CCDC14: variants seen among roughly 807,000 people sequenced by gnomAD.
CCDC14 encodes coiled-coil domain containing 14.
In CCDC14, 71 loss-of-function variants were observed where a neutral mutation model predicts 81.4. That is an observed-to-expected ratio of 0.87 (90% CI 0.72 to 1.06). The LOEUF is 1.06. Ranked by LOEUF, CCDC14 falls within the 50% of genes least tolerant of loss-of-function variation. The pLI is 0.00. For missense variants in CCDC14, 1,046 were observed against 1,047.3 expected (o/e 1.00, Z 0.02); for synonymous variants, 332 against 364.8 (o/e 0.91, Z 1.03).
At chr3:123,953,856 A>AGCTCTGCT (rs1293769789) in intron 5 of CCDC14, 1 of 152,236 alleles carries the variant, frequency 6.6e-6, no homozygotes, top group Non-Finnish European at 1.5e-5. Context: ...AGATGATAAC[A>AGCTCTGCT]GCTCTGCTGC....
At position 123,916,124 on chromosome 3, in the gene CCDC14, G is replaced by A. The variant is rs185856055; in HGVS notation, c.1779-406C>T. On this transcript the variant is annotated intron_variant, in intron 12 of 12. Transcript: ENST00000409697. Reference sequence around the variant, plus strand: ...AGTGATCCTCTTGCCTCAGCCTCCCGAGTAGCTGGGATTACAGGTGCGCAT... The same window carrying A: ...AGTGATCCTCTTGCCTCAGCCTCCCAAGTAGCTGGGATTACAGGTGCGCAT... 4.0e-5 allele frequency among the ~76,000 whole-genome samples: 6 copies of A among 151,292 alleles called. No homozygotes were observed. In the East Asian group the frequency reaches 9.7e-4, roughly 25 times the overall value.
Position 123,915,372 on chromosome 3 carries a change from C to A in CCDC14, c.2125G>T (p.Asp709Tyr). The A allele has an allele frequency of 2.5e-6, 4 of 1,613,670 alleles. No individual in the cohort carries two copies. Among genetic ancestry groups the A allele is most frequent in the Non-Finnish European group, 3.4e-6 (4 of 1,179,730 alleles). Residue 709 changes from aspartate (D) to tyrosine (Y), a missense_variant, in exon 13 of 13, where the codon GAT becomes TAT. Asp to Tyr is a radical substitution (Grantham distance 160, BLOSUM62 -3). Coordinates refer to ENST00000409697, the MANE Select transcript of CCDC14 (RefSeq NM_001366335.1). ...PGIISALSKQ[D>Y]SDEGSETMAL... ...ATAGTTTCACTCCCTTCATCAGAAT[C>A]CTGTTTTGAAAGGGCAGAAATAATT...
At chr3:123,933,543 A>T (rs1226058940) in intron 10 of CCDC14, 130 bp downstream of exon 10, 1 of 643,338 alleles carries the variant, frequency 1.6e-6, no homozygotes, top group East Asian at 2.8e-5. Flanking sequence ...AAGTGACAGC[A>T]TCTTTTATTT....
chr3:123,943,054 T>C (rs2036435632), intron 9 of CCDC14, among the ~76,000 whole-genome samples: 2 of 151,858 alleles, frequency 1.3e-5, no homozygotes, highest in Non-Finnish European at 1.5e-5. Flanking sequence ...TTATATATTT[T>C]TATATATACA....
intron 7 of CCDC14, among the ~76,000 whole-genome samples, chr3:123,948,476 G>A (rs2036794849): frequency 6.6e-6 from 1 of 152,008 alleles, no homozygotes; most frequent in Non-Finnish European, 1.5e-5. Flanking sequence ...TCCAGACCTC[G>A]TGATCCACCC....
chr3:123,948,423 G>A (rs913913766), intron 7 of CCDC14, among the ~76,000 whole-genome samples: 4 of 151,788 alleles, frequency 2.6e-5, no homozygotes, highest in Admixed American at 6.6e-5. Context: ...TGTATTTTTC[G>A]TAGAGGTGGG....
At chr3:123,928,332 C>CT (rs1553714125) in intron 12 of CCDC14, among the ~76,000 whole-genome samples, 12 of 46,652 alleles carry the variant, frequency 2.6e-4, no homozygotes, top group Admixed American at 2.1e-3. Flanking sequence ...CCAGTCTCTA[C>CT]TAAAAAAAAA....
chr3:123,904,198 C>T lies in CCDC14; in HGVS notation c.668-6585G>A, dbSNP rs562478077. On this transcript the variant is annotated intron_variant, in intron 5 of 5. Coordinates refer to the CCDC14 transcript ENST00000479903. ...TTCTTAGTCATCTAGAGGGATTTCC[C>T]TAAGGTACTTCTAAGTCAGAAAATC... 1.1e-4 allele frequency among the ~76,000 whole-genome samples: 17 copies of T among 151,876 alleles called. No homozygotes were observed. In the South Asian group the frequency reaches 3.5e-3, roughly 32 times the overall value.
chr3:123,956,196 ATTTG>A lies in CCDC14; in HGVS notation c.160-85_160-82del, dbSNP rs1373681522. 3.7e-6 allele frequency: 5 copies of A among 1,369,290 alleles called. No individual in the cohort carries two copies. In the African/African-American group the frequency reaches 4.4e-5, roughly 12 times the overall value. 84.8% of individuals were successfully genotyped at this position (1,369,290 alleles called of 1,614,324 possible). Reference sequence around the variant, plus strand: ...AAAATATAAATTATGTAGTTTTAAAATTTGTTTATTTACAAACTATTATTGGTAG... The same window carrying A: ...AAAATATAAATTATGTAGTTTTAAAATTTATTTACAAACTATTATTGGTAG... On this transcript the variant is annotated intron_variant, in intron 3 of 12. Transcript: ENST00000409697.
At position 123,930,103 on chromosome 3, in the gene CCDC14, G is replaced by A. The variant is rs566785804; in HGVS notation, c.1778+999C>T. Among the ~76,000 whole-genome samples the A allele has an allele frequency of 1.2e-4, 18 of 152,198 alleles. No individual in the cohort carries two copies. In the South Asian group the frequency reaches 3.7e-3, roughly 32 times the overall value. On this transcript the variant is annotated intron_variant, in intron 12 of 12. Coordinates refer to ENST00000409697, the MANE Select transcript of CCDC14 (RefSeq NM_001366335.1). ...CAAAAAATGTCTTGCTTTTGCCATT[G>A]TTAAATAAAAGTTTGAATGCAAATA...
Position 123,931,386 on chromosome 3 carries a change from T to G in CCDC14, c.1567A>C (p.Ser523Arg). 1 of 1,523,424 alleles carries G rather than the reference T, an allele frequency of 6.6e-7. No homozygotes were observed. The highest frequency in any genetic ancestry group is 8.9e-7 in the Non-Finnish European group (1 of 1,121,432). 94.4% of individuals were successfully genotyped at this position (1,523,424 alleles called of 1,614,324 possible). The change falls in exon 11 of 13, where the codon AGT (serine) becomes CGT (arginine). Residue 523 changes from serine to arginine, a missense_variant. Ser to Arg is a moderately radical substitution (Grantham distance 110). Transcript: ENST00000409697. ...GTTTGATCTTTGTCTTTAAATATAC[T>G]ACTAAATTTTTTGTTTTCATCTTTC... The part of the protein sequence containing the change: ...NQKDENKKFS[S>R]IFKDKDQTIL...
At chr3:123,925,392 T>C (rs2035306450) in intron 12 of CCDC14, among the ~76,000 whole-genome samples, 1 of 152,054 alleles carries the variant, frequency 6.6e-6, no homozygotes, top group African/African-American at 2.4e-5. Context: ...AAAGTTTCAG[T>C]TACATAGAAG....
intron 5 of CCDC14, among the ~76,000 whole-genome samples, chr3:123,952,048 T>C (rs894848181): frequency 1.1e-4 from 16 of 152,302 alleles, no homozygotes; most frequent in African/African-American, 3.1e-4. Flanking sequence ...ACTACACAAA[T>C]ACAAATGAAG....
intron 9 of CCDC14, among the ~76,000 whole-genome samples, chr3:123,935,239 A>T (rs1357780969): frequency 6.6e-6 from 1 of 152,176 alleles, no homozygotes. Flanking sequence ...TTTTGGCCAT[A>T]GAATTGACAA....
chr3:123,950,804 A>G (rs1577327195), intron 5 of CCDC14, among the ~76,000 whole-genome samples: 1 of 152,198 alleles, frequency 6.6e-6, no homozygotes, highest in East Asian at 1.9e-4. Context: ...TTAAAAAACA[A>G]AATAATTAAA....
intron 5 of CCDC14, among the ~76,000 whole-genome samples, chr3:123,903,035 T>A (rs2034209622): frequency 1.3e-5 from 2 of 152,148 alleles, no homozygotes; most frequent in African/African-American, 2.4e-5. Context: ...CTTCTCATCA[T>A]TCAACTCCCA....
intron 9 of CCDC14, among the ~76,000 whole-genome samples, chr3:123,939,647 A>G (rs1287783229): frequency 6.6e-6 from 1 of 151,574 alleles, no homozygotes; most frequent in Non-Finnish European, 1.5e-5. Context: ...AATAATTTTT[A>G]GATCATTCTT....
Position 123,915,430 on chromosome 3 carries a change from G to A in CCDC14, c.2067C>T (p.Asn689=). The A allele has an allele frequency of 1.2e-6, 2 of 1,613,982 alleles. No homozygotes were observed. The highest frequency in any genetic ancestry group is 1.1e-5 in the South Asian group (1 of 91,080). The change falls in exon 13 of 13, where the codon AAC becomes AAT. Residue 689 remains asparagine (N), a synonymous_variant. Transcript: ENST00000409697. Reference sequence around the variant, plus strand: ...CAGATGCTTCCTCCATGCCCCTAGTGTTACTATTTTGAGGGCCTCTGGAGG... The same window carrying A: ...CAGATGCTTCCTCCATGCCCCTAGTATTACTATTTTGAGGGCCTCTGGAGG... The part of the protein sequence containing the change: ...VLSSRGPQNS[N]TRGMEEASAP...
At chr3:123,913,321 T>C (rs897047181), downstream of CCDC14, 1 of 937,674 alleles carries the variant, frequency 1.1e-6, no homozygotes, top group Non-Finnish European at 1.3e-6. Flanking sequence ...TAAGGATGGC[T>C]GTTCCATGTT....
Sources: gnomAD v4.1 joint callset for allele counts (sites outside exome capture counted in the v4.1 genomes callset) on GRCh38, gnomAD v4.1.1 for gene constraint, MANE v1.5 for transcripts, NCBI Gene and HGNC (gene_info 2026-07-23, HGNC 2026-07-21) for gene names.